CCDC171: variants seen among roughly 807,000 people sequenced by gnomAD.
The protein encoded by CCDC171 is coiled-coil domain containing 171.
In CCDC171, 177 loss-of-function variants were observed where a neutral mutation model predicts 168.2. The observed-to-expected ratio is 1.05, with a 90% CI of 0.93 to 1.19. CCDC171 has a LOEUF of 1.19. Among genes scored for constraint, CCDC171 ranks in the 50% most tolerant of loss-of-function variants. The pLI, the probability that CCDC171 is intolerant of heterozygous loss-of-function variation, is 0.00. For synonymous variants in CCDC171, 687 were observed against 540.8 expected, an observed-to-expected ratio of 1.27 and a Z score of -3.75; for missense variants, 1,991 against 1,539.0, an observed-to-expected ratio of 1.29 and a Z score of -4.91.
At chr9:15,945,635 G>A (rs1399836151) in intron 25 of CCDC171, among the ~76,000 whole-genome samples, 1 of 143,528 alleles carries the variant, frequency 7.0e-6, no homozygotes, top group East Asian at 2.4e-4. Context: ...GGCCAGTGAT[G>A]GTGAGCATTT....
intron 7 of CCDC171, among the ~76,000 whole-genome samples, chr9:15,633,692 A>G (rs1036746212): frequency 1.3e-5 from 2 of 152,226 alleles, no homozygotes; most frequent in African/African-American, 4.8e-5. Context: ...CGAAAGGACT[A>G]TAAATCATTC....
the CCDC171 span, among the ~76,000 whole-genome samples, chr9:16,089,547 T>C: frequency 7.9e-3 from 1,192 of 151,650 alleles, 18 homozygotes; most frequent in African/African-American, 0.027. Flanking sequence ...CTTGTGTTAA[T>C]TTTTTTATAA....
intron 3 of CCDC171, among the ~76,000 whole-genome samples, chr9:16,004,455 G>A (rs191820417): frequency 1.3e-5 from 2 of 152,312 alleles, no homozygotes; most frequent in Admixed American, 1.3e-4. Context: ...CAAAGATGAC[G>A]AGCTGGTGGC....
rs570134877 is a variant in CCDC171 at position 15,796,451 on chromosome 9, G to A, written c.3267+11757G>A. On this transcript the variant is annotated intron_variant, in intron 21 of 25. Transcript: ENST00000380701. The stretch of plus-strand genomic sequence containing the variant: ...ACAAAAGTAAGTCTTTAAAGTTATG[G>A]GAGAAAAAGGATTACTTACAGAAGA... Among the ~76,000 whole-genome samples the A allele has an allele frequency of 2.6e-5, 4 of 152,194 alleles. No individual in the cohort carries two copies. The South Asian group carries it at 8.3e-4, about 32-fold the overall frequency.
intron 21 of CCDC171, among the ~76,000 whole-genome samples, chr9:15,831,519 A>G (rs1412203304): frequency 1.3e-5 from 2 of 152,170 alleles, no homozygotes; most frequent in African/African-American, 2.4e-5. Context: ...ACTAATAAAC[A>G]TCTTTGACTG....
At chr9:15,859,657 G>A (rs2061480291) in intron 23 of CCDC171, among the ~76,000 whole-genome samples, 2 of 117,084 alleles carry the variant, frequency 1.7e-5, no homozygotes. Context: ...GTTTTGTTTT[G>A]TTTTGTTTTG....
chr9:15,951,877 A>G (rs534570228), intron 25 of CCDC171, among the ~76,000 whole-genome samples: 41 of 152,122 alleles, frequency 2.7e-4, no homozygotes, highest in South Asian at 1.0e-3. Flanking sequence ...AGGAAGTTCA[A>G]TTTGTCTGTT....
intron 4 of CCDC171, among the ~76,000 whole-genome samples, chr9:15,586,039 A>G (rs1164476188): frequency 6.6e-6 from 1 of 152,222 alleles, no homozygotes; most frequent in East Asian, 1.9e-4. Flanking sequence ...TACTAGATGT[A>G]CATTTTATCT....
At chr9:15,639,351 T>G (rs1197865188) in intron 7 of CCDC171, among the ~76,000 whole-genome samples, 1 of 152,074 alleles carries the variant, frequency 6.6e-6, no homozygotes, top group Non-Finnish European at 1.5e-5. Flanking sequence ...GAACTTCAGT[T>G]AAAAATTTGG....
At chr9:15,636,705 GTGC>G (rs971996509) in intron 7 of CCDC171, among the ~76,000 whole-genome samples, 7 of 143,878 alleles carry the variant, frequency 4.9e-5, no homozygotes, top group African/African-American at 1.8e-4. Flanking sequence ...AGCTGTGATC[GTGC>G]TGCTGTACTC....
At chr9:15,880,816 T>C (rs1269214024) in intron 24 of CCDC171, among the ~76,000 whole-genome samples, 1 of 152,146 alleles carries the variant, frequency 6.6e-6, no homozygotes, top group African/African-American at 2.4e-5. Context: ...TATTAAATAA[T>C]TTTTTAATTG....
intron 6 of CCDC171, among the ~76,000 whole-genome samples, chr9:15,595,654 T>A (rs1000735052): frequency 2.0e-5 from 3 of 152,170 alleles, no homozygotes; most frequent in Non-Finnish European, 2.9e-5. Context: ...AATCCTTTGG[T>A]ATATACCCAG....
the CCDC171 span, among the ~76,000 whole-genome samples, chr9:16,107,031 G>T: frequency 1.3e-5 from 2 of 152,182 alleles, no homozygotes; most frequent in Non-Finnish European, 2.9e-5. Flanking sequence ...AATAATTTCA[G>T]ACTTATAGAA....
intron 3 of CCDC171, among the ~76,000 whole-genome samples, chr9:15,996,614 A>G (rs543078650): frequency 4.8e-4 from 73 of 152,094 alleles, no homozygotes; most frequent in Non-Finnish European, 9.1e-4. Flanking sequence ...ATGCTCAACT[A>G]AAATAGTTTT....
chr9:15,576,786 A>G (rs909013739), intron 3 of CCDC171, among the ~76,000 whole-genome samples: 5 of 152,330 alleles, frequency 3.3e-5, no homozygotes, highest in Non-Finnish European at 5.9e-5. Context: ...TTCTTCTGCT[A>G]TATAAGCTAT....
intron 2 of CCDC171, among the ~76,000 whole-genome samples, chr9:15,567,337 G>C (rs2039832064): frequency 6.6e-6 from 1 of 152,056 alleles, no homozygotes; most frequent in African/African-American, 2.4e-5. Flanking sequence ...ACATTGTCTT[G>C]ATTACTGTAG....
intron 7 of CCDC171, among the ~76,000 whole-genome samples, chr9:15,644,748 C>T (rs900156733): frequency 6.6e-6 from 1 of 152,200 alleles, no homozygotes; most frequent in Admixed American, 6.5e-5. Flanking sequence ...GGCAGGGAAG[C>T]TCAAACTGGG....
intron 3 of CCDC171, among the ~76,000 whole-genome samples, chr9:15,576,803 C>T (rs192787807): frequency 3.3e-5 from 5 of 152,290 alleles, no homozygotes; most frequent in Admixed American, 6.5e-5. Context: ...CTATTTCCTC[C>T]TGGAGCAGAC....
At chr9:15,560,515 A>T (rs62573060) in intron 1 of CCDC171, among the ~76,000 whole-genome samples, 1 of 152,120 alleles carries the variant, frequency 6.6e-6, no homozygotes, top group African/African-American at 2.4e-5. Flanking sequence ...CCACTTGATC[A>T]AATCGGCTAC....
Sources: allele counts gnomAD v4.1 joint callset (sites outside exome capture counted in the v4.1 genomes callset), GRCh38; gene constraint gnomAD v4.1.1; transcripts MANE v1.5; gene names NCBI Gene and HGNC (gene_info 2026-07-23, HGNC 2026-07-21).